Variants in PIK3CA observed in about 807,000 individuals in gnomAD.
PIK3CA encodes phosphatidylinositol 4,5-bisphosphate 3-kinase catalytic subunit alpha isoform.
Under a neutral mutation model 138.2 loss-of-function variants are expected in PIK3CA, and 27 were observed. The ratio of observed to expected loss-of-function variants is 0.20; its 90% confidence interval spans 0.14 to 0.27. PIK3CA has a LOEUF of 0.27. Ranked by LOEUF, PIK3CA falls within the 10% of genes least tolerant of loss-of-function variation. The pLI is 1.00. For missense variants in PIK3CA, 544 were observed against 1,277.4 expected, an observed-to-expected ratio of 0.43 and a Z score of 8.75; for synonymous variants, 358 against 413.2, an observed-to-expected ratio of 0.87 and a Z score of 1.62.
Position 179,239,143 on chromosome 3 carries a change from A to G in PIK3CA, c.*4779A>G, listed in dbSNP as rs1426534664. On this transcript the variant is annotated 3_prime_UTR_variant, in exon 21 of 21. Transcript: ENST00000263967. ...TGCGTATACAGTAGTTAGGTAAATG[A>G]TTTTTCTACCAACAGTATACTCCAT... The G allele has an allele frequency of 1.9e-5, 4 of 212,652 alleles. No individual in the cohort carries two copies. Among genetic ancestry groups the G allele is most frequent in the African/African-American group, 2.3e-5 (1 of 44,146 alleles). 13.2% of individuals were successfully genotyped at this position (212,652 alleles called of 1,614,324 possible).
At position 179,189,845 on chromosome 3, in the gene PIK3CA, G is replaced by GT. The variant is rs769137406; in HGVS notation, c.-76-8904dup. Among the ~76,000 whole-genome samples the GT allele has an allele frequency of 3.7e-4, 57 of 152,326 alleles. 1 individual carries two copies. The highest frequency in any genetic ancestry group is 2.6e-4 in the Non-Finnish European group (18 of 68,034). On this transcript the variant is annotated intron_variant, in intron 1 of 20. Transcript: ENST00000263967. ...AAGGTCTTTCAGTCTCTCTAAAAGT[G>GT]TGAGTTAAATCTGTTTTCTCACGGC...
chr3:179,208,270 T>C (rs1387541942), intron 6 of PIK3CA, among the ~76,000 whole-genome samples: 3 of 152,212 alleles, frequency 2.0e-5, no homozygotes, highest in Non-Finnish European at 4.4e-5. Context: ...AGAATTGTTA[T>C]ACTATTTTAT....
intron 9 of PIK3CA, among the ~76,000 whole-genome samples, chr3:179,216,054 G>T (rs1198868363): frequency 6.6e-6 from 1 of 152,162 alleles, no homozygotes; most frequent in Non-Finnish European, 1.5e-5. Context: ...AGGTTCCTGG[G>T]TGGTCAAGGG....
chr3:179,199,634 A>G (rs1724357751), intron 2 of PIK3CA, 56 bp from the exon 3 acceptor site: 1 of 1,250,858 alleles, frequency 8.0e-7, no homozygotes, highest in Non-Finnish European at 1.1e-6. Context: ...CAAAAAAAAC[A>G]TGTTCATGCT....
chr3:179,213,513 T>C (rs911045353), intron 9 of PIK3CA, among the ~76,000 whole-genome samples: 5 of 152,240 alleles, frequency 3.3e-5, no homozygotes, highest in African/African-American at 4.8e-5. Flanking sequence ...TGGTGGTTGC[T>C]GAAGTAACGT....
intron 1 of PIK3CA, among the ~76,000 whole-genome samples, 151 bp downstream of exon 1, chr3:179,148,754 C>T (rs889554970): frequency 3.3e-5 from 5 of 152,094 alleles, no homozygotes; most frequent in Non-Finnish European, 7.4e-5. Context: ...CGCCTGCGAT[C>T]GCCGCACCCT....
chr3:179,203,677 C>T lies in PIK3CA; in HGVS notation c.947C>T (p.Pro316Leu). ...SYSRRISTAT[P>L]YMNGETSTKS... ...TCCAGACGCATTTCCACAGCTACAC[C>T]ATATATGAATGGAGAAACATCTACA... Residue 316 changes from proline to leucine, a missense_variant, in exon 5 of 21, where the codon CCA becomes CTA. This residue lies in a region of PIK3CA where 234 missense variants were observed against 401.3 expected (regional missense o/e 0.58). Coordinates refer to ENST00000263967, the MANE Select transcript of PIK3CA (RefSeq NM_006218.4). 1 of 1,613,778 alleles carries T rather than the reference C, an allele frequency of 6.2e-7. No individual in the cohort carries two copies.
At chr3:179,210,888 C>T (rs1724692792) in intron 9 of PIK3CA, among the ~76,000 whole-genome samples, 1 of 152,142 alleles carries the variant, frequency 6.6e-6, no homozygotes, top group South Asian at 2.1e-4. Context: ...TGAAAACAGA[C>T]ATTAAGCAGA....
intron 9 of PIK3CA, among the ~76,000 whole-genome samples, chr3:179,212,380 G>A (rs61796483): frequency 0.24 from 34,776 of 146,500 alleles, 4,916 homozygotes; most frequent in African/African-American, 0.38. Flanking sequence ...GGAGGCCGAG[G>A]CGGGTGGATC....
In PIK3CA at chr3:179,201,522, T is replaced by C; in HGVS notation, c.795T>C (p.Tyr265=). The C allele has an allele frequency of 6.2e-7, 1 of 1,602,214 alleles. No homozygotes were observed. The highest frequency in any genetic ancestry group is 8.6e-7 in the Non-Finnish European group (1 of 1,169,572). ...GTGATGAATACTTCCTAGAAAAATA[T>C]CCTCTGAGTCAGTATAAGGTGAGTA... ...CGCDEYFLEK[Y]PLSQYKYIRS... The change falls in exon 4 of 21, where the codon TAT becomes TAC. Residue 265 remains tyrosine, a synonymous_variant. Coordinates refer to ENST00000263967, the MANE Select transcript of PIK3CA (RefSeq NM_006218.4).
intron 1 of PIK3CA, among the ~76,000 whole-genome samples, chr3:179,187,109 G>A (rs1207358744): frequency 6.6e-6 from 1 of 151,740 alleles, no homozygotes; most frequent in Non-Finnish European, 1.5e-5. Flanking sequence ...TTGCTTCAGT[G>A]AACCAAATAG....
At position 179,218,354 on chromosome 3, in the gene PIK3CA, TTC is replaced by T. The variant is rs773881136; in HGVS notation, c.1664+24_1664+25del. 5 of 1,582,796 alleles carry T rather than the reference TTC, an allele frequency of 3.2e-6. No homozygotes were observed. The highest frequency in any genetic ancestry group is 1.8e-5 in the Admixed American group (1 of 55,440). On this transcript the variant is annotated intron_variant, in intron 10 of 20. Transcript: ENST00000263967. ...TCACAGGTAAGTGCTAAAATGGAGA[TTC>T]TCTGTTTCTTTTTCTTTATTACAGA...
At chr3:179,178,080 C>CAA (rs770394983) in intron 1 of PIK3CA, among the ~76,000 whole-genome samples, 17 of 59,522 alleles carry the variant, frequency 2.9e-4, no homozygotes, top group African/African-American at 6.5e-4. Context: ...TCTGTCTTTA[C>CAA]AAAAAAAAAA....
chr3:179,232,478 T>G (rs1319250153), intron 20 of PIK3CA, among the ~76,000 whole-genome samples: 2 of 152,190 alleles, frequency 1.3e-5, no homozygotes, highest in African/African-American at 2.4e-5. Flanking sequence ...TCTGCTTTTG[T>G]GTGTATCTGC....
intron 9 of PIK3CA, 123 bp downstream of exon 9, chr3:179,210,688 T>C: frequency 2.3e-6 from 2 of 883,656 alleles, no homozygotes; most frequent in East Asian, 2.7e-5. Flanking sequence ...CTAGGACCAA[T>C]ATTGCAATAG....
intron 1 of PIK3CA, among the ~76,000 whole-genome samples, chr3:179,148,884 G>A (rs531227977): frequency 4.6e-5 from 7 of 152,262 alleles, no homozygotes; most frequent in Admixed American, 4.6e-4. Context: ...TTGGGGACGG[G>A]GCGGCTGGAG....
chr3:179,210,701 T>C (rs1039252418), intron 9 of PIK3CA, 136 bp downstream of exon 9: 1 of 792,392 alleles, frequency 1.3e-6, no homozygotes, highest in African/African-American at 1.8e-5. Flanking sequence ...TGCAATAGAA[T>C]TAAGTTCTCT....
At position 179,204,599 on chromosome 3, in the gene PIK3CA, A is replaced by T; in HGVS notation, c.1145+11A>T. 1.6e-6 allele frequency: 2 copies of T among 1,262,570 alleles called. No homozygotes were observed. Among genetic ancestry groups the T allele is most frequent in the East Asian group, 4.6e-5 (2 of 43,094 alleles). 78.2% of individuals were successfully genotyped at this position (1,262,570 alleles called of 1,614,324 possible). A position where few individuals can be genotyped will look rare whatever the true frequency, so the allele number is the denominator to read the frequency against. ...TTGTTCCAATCCCAGGTAAGGAAGT[A>T]TATAGATTTATATTTCCAAAGGTTA... On this transcript the variant is annotated intron_variant, in intron 6 of 20. Transcript: ENST00000263967.
intron 9 of PIK3CA, among the ~76,000 whole-genome samples, chr3:179,214,328 C>T (rs1166718254): frequency 2.6e-5 from 4 of 152,102 alleles, no homozygotes; most frequent in Non-Finnish European, 4.4e-5. Flanking sequence ...GTCACTTGAA[C>T]ACTTAGAGGC....
Sources: allele counts gnomAD v4.1 joint callset (sites outside exome capture counted in the v4.1 genomes callset), GRCh38; gene constraint gnomAD v4.1.1; regional missense constraint gnomAD v4.1.1; transcripts MANE v1.5; gene names NCBI Gene and HGNC (gene_info 2026-07-23, HGNC 2026-07-21).